Variants in TRIO observed in about 807,000 individuals in gnomAD.
TRIO encodes the protein trio Rho guanine nucleotide exchange factor.
A neutral mutation model predicts 351.9 loss-of-function variants in TRIO; 58 were observed. The observed-to-expected ratio is 0.16, with a 90% CI of 0.13 to 0.21. TRIO has a LOEUF of 0.21. Among genes scored for constraint, TRIO ranks in the 10% least tolerant of loss-of-function variants. TRIO has a pLI of 1.00. For synonymous variants in TRIO, 1,758 were observed against 1,595.7 expected, an observed-to-expected ratio of 1.10 and a Z score of -2.42; for missense variants, 3,201 against 4,027.8, an observed-to-expected ratio of 0.79 and a Z score of 5.56.
intron 1 of TRIO, among the ~76,000 whole-genome samples, chr5:14,259,789 G>GTT (rs35558584): frequency 0.22 from 33,398 of 148,926 alleles, 3,996 homozygotes; most frequent in East Asian, 0.39. Flanking sequence ...CAGGTTTTTT[G>GTT]TTTTTTTTTT....
Position 14,497,623 on chromosome 5 carries a change from C to T in TRIO, c.8020-224C>T, listed in dbSNP as rs543634102. On this transcript the variant is annotated intron_variant, in intron 50 of 56. Coordinates refer to ENST00000344204, the MANE Select transcript of TRIO (RefSeq NM_007118.4). The surrounding 1 kb of genome is among the most constrained non-coding windows in gnomAD (Gnocchi z 4.4). ...CAGCCTGTAGCATGAGAAAAACACA[C>T]ATCTAAGCAGTGTTTTTGTGTTTGT... is the stretch of plus-strand genomic sequence containing the variant. Among the ~76,000 whole-genome samples the T allele has an allele frequency of 2.0e-5, 3 of 152,304 alleles. No homozygotes were observed. Among genetic ancestry groups the T allele is most frequent in the South Asian group, 2.1e-4 (1 of 4,826 alleles).
At chr5:14,189,890 T>A (rs1790357581) in intron 1 of TRIO, among the ~76,000 whole-genome samples, 1 of 152,068 alleles carries the variant, frequency 6.6e-6, no homozygotes, top group Non-Finnish European at 1.5e-5. Context: ...GCCCAGCTAA[T>A]TTTTTATTTT....
intron 5 of TRIO, among the ~76,000 whole-genome samples, chr5:14,292,031 A>G (rs1056865303): frequency 1.3e-5 from 2 of 152,170 alleles, no homozygotes; most frequent in African/African-American, 2.4e-5. Context: ...AATCTTAGCA[A>G]TGTGGAAACT....
intron 1 of TRIO, among the ~76,000 whole-genome samples, chr5:14,169,626 G>A (rs933399279): frequency 4.6e-5 from 7 of 152,200 alleles, no homozygotes; most frequent in African/African-American, 1.7e-4. Flanking sequence ...GTGACATGAA[G>A]TATAACTTGT....
chr5:14,392,340 T>G (rs1236677611), intron 27 of TRIO, among the ~76,000 whole-genome samples: 2 of 152,166 alleles, frequency 1.3e-5, no homozygotes, highest in African/African-American at 4.8e-5. Flanking sequence ...AAACTCATCA[T>G]CACTGGTCAT....
intron 3 of TRIO, among the ~76,000 whole-genome samples, chr5:14,283,054 G>A (rs1198969629): frequency 6.6e-6 from 1 of 152,172 alleles, no homozygotes; most frequent in Non-Finnish European, 1.5e-5. Flanking sequence ...AGCAGCAGGA[G>A]CGCTGTTTGG....
chr5:14,155,825 G>T (rs186817936), intron 1 of TRIO, among the ~76,000 whole-genome samples: 8 of 152,290 alleles, frequency 5.3e-5, no homozygotes, highest in African/African-American at 1.9e-4. Context: ...TTTGTCATTA[G>T]TTAGCATTTT....
chr5:14,242,275 G>A (rs1390452873), intron 1 of TRIO, among the ~76,000 whole-genome samples: 2 of 152,032 alleles, frequency 1.3e-5, no homozygotes, highest in Non-Finnish European at 2.9e-5. Flanking sequence ...TCTTTACTGT[G>A]GCCTCAGATA....
At chr5:14,343,047 T>C (rs1282804318) in intron 11 of TRIO, among the ~76,000 whole-genome samples, 2 of 151,548 alleles carry the variant, frequency 1.3e-5, no homozygotes, top group African/African-American at 4.9e-5. Flanking sequence ...GCTTTTCTTT[T>C]TACTTTTTAT....
intron 5 of TRIO, 121 bp from the exon 6 acceptor site, chr5:14,292,887 TCAGA>T: frequency 7.4e-7 from 1 of 1,359,676 alleles, no homozygotes; most frequent in Middle Eastern, 1.9e-4. Flanking sequence ...TCTGAGAGAA[TCAGA>T]CAGCGCTTGA....
chr5:14,421,488 C>T (rs1750151656), intron 34 of TRIO, among the ~76,000 whole-genome samples: 1 of 151,044 alleles, frequency 6.6e-6, no homozygotes, highest in African/African-American at 2.4e-5. Context: ...CCTGTAATCC[C>T]AGCTACTCGA....
At position 14,508,395 on chromosome 5, in the gene TRIO, G is replaced by A. The variant is rs1266301026; in HGVS notation, c.9267G>A (p.Leu3089=). Reference sequence around the variant, plus strand: ...CTATCCGTAGCATTAAAAACTTTCTGCAGAGCAGGCTTCTGCCTAGAGTTT... The same window carrying A: ...CTATCCGTAGCATTAAAAACTTTCTACAGAGCAGGCTTCTGCCTAGAGTTT... ...VRPIRSIKNF[L]QSRLLPRV The change falls in exon 57 of 57, where the codon CTG becomes CTA. Residue 3089 remains leucine, a synonymous_variant. Coordinates refer to ENST00000344204, the MANE Select transcript of TRIO (RefSeq NM_007118.4). 8.7e-6 allele frequency: 14 copies of A among 1,611,848 alleles called. No homozygotes were observed. Among genetic ancestry groups the A allele is most frequent in the Non-Finnish European group, 1.1e-5 (13 of 1,178,450 alleles).
At chr5:14,309,254 C>G (rs1010744273) in intron 8 of TRIO, among the ~76,000 whole-genome samples, 2 of 152,202 alleles carry the variant, frequency 1.3e-5, no homozygotes, top group African/African-American at 4.8e-5. Flanking sequence ...TCTCAGGCAG[C>G]AAGAAACCTG....
At chr5:14,448,909 C>T (rs2126411891) in intron 34 of TRIO, among the ~76,000 whole-genome samples, 1 of 152,200 alleles carries the variant, frequency 6.6e-6, no homozygotes, top group East Asian at 1.9e-4. Flanking sequence ...CTTTTGGTTA[C>T]AGAAAAAGCA....
At chr5:14,425,070 C>T (rs1750528538) in intron 34 of TRIO, among the ~76,000 whole-genome samples, 1 of 152,234 alleles carries the variant, frequency 6.6e-6, no homozygotes, top group South Asian at 2.1e-4. Flanking sequence ...GTAAACTCCA[C>T]ATAACAAAAT....
At chr5:14,504,788 G>A in intron 55 of TRIO, 195 bp downstream of exon 55, 1 of 694,248 alleles carries the variant, frequency 1.4e-6, no homozygotes, top group Non-Finnish European at 2.3e-6. Context: ...GTCTTCCACA[G>A]GGCGGTTGCC....
intron 1 of TRIO, among the ~76,000 whole-genome samples, chr5:14,249,726 A>C (rs1280559156): frequency 2.0e-5 from 3 of 152,180 alleles, no homozygotes; most frequent in Non-Finnish European, 4.4e-5. Flanking sequence ...AAAAATGAGC[A>C]GAACAGCATT....
chr5:14,328,293 C>T (rs572398633), intron 9 of TRIO, among the ~76,000 whole-genome samples: 8 of 151,954 alleles, frequency 5.3e-5, no homozygotes, highest in South Asian at 2.1e-4. Flanking sequence ...GAGCTCAATA[C>T]GCTAGTTAAA....
At chr5:14,396,727 C>T (rs1161053376) in intron 28 of TRIO, among the ~76,000 whole-genome samples, 1 of 151,798 alleles carries the variant, frequency 6.6e-6, no homozygotes. Flanking sequence ...ACCTCAGCCT[C>T]CCGAAGTGCT....
Sources: gnomAD v4.1 joint callset for allele counts (sites outside exome capture counted in the v4.1 genomes callset) on GRCh38, gnomAD v4.1.1 for gene constraint, Gnocchi (gnomAD v3.1) non-coding constraint, MANE v1.5 for transcripts, NCBI Gene and HGNC (gene_info 2026-07-23, HGNC 2026-07-21) for gene names.